The following SPMIP4 variants were observed in gnomAD, a reference collection of about 807,000 sequenced individuals.
SPMIP4 encodes sperm-associated microtubule inner protein 4.
chr7:25,127,704 T>C, the SPMIP4 span, among the ~76,000 whole-genome samples: 1 of 148,638 alleles, frequency 6.7e-6, no homozygotes, highest in Non-Finnish European at 1.5e-5. Flanking sequence ...TTCATTAGTT[T>C]GTTTGGTGAG....
the SPMIP4 span, among the ~76,000 whole-genome samples, chr7:25,151,846 T>C: frequency 6.6e-6 from 1 of 152,202 alleles, no homozygotes; most frequent in Non-Finnish European, 1.5e-5. Flanking sequence ...TGAATTCTTT[T>C]TATTTTTTAT....
chr7:25,137,310 T>A, the SPMIP4 span, among the ~76,000 whole-genome samples: 1 of 137,998 alleles, frequency 7.2e-6, no homozygotes, highest in Non-Finnish European at 1.5e-5. Context: ...TCTTTTTTTT[T>A]TTTTTTTTTA....
the SPMIP4 span, among the ~76,000 whole-genome samples, chr7:25,138,511 C>A: frequency 6.6e-6 from 1 of 152,134 alleles, no homozygotes; most frequent in Non-Finnish European, 1.5e-5. This position sits in a 1 kb window ranked among gnomAD's most constrained non-coding sequence, Gnocchi z 6.2. Flanking sequence ...GGATTACAGG[C>A]CTGAGCCACT....
At chr7:25,131,473 A>T in the SPMIP4 span, among the ~76,000 whole-genome samples, 1 of 152,212 alleles carries the variant, frequency 6.6e-6, no homozygotes, top group African/African-American at 2.4e-5. This position sits in a 1 kb window ranked among gnomAD's most constrained non-coding sequence, Gnocchi z 4.2. Context: ...CTGCTGGGTT[A>T]GAGGACATGG....
the SPMIP4 span, among the ~76,000 whole-genome samples, chr7:25,162,238 T>G: frequency 7.0e-6 from 1 of 143,810 alleles, no homozygotes; most frequent in African/African-American, 2.6e-5. Context: ...GCCACTGTAC[T>G]CCAGCCTGGG....
chr7:25,142,629 T>C, the SPMIP4 span: 1 of 1,592,480 alleles, frequency 6.3e-7, no homozygotes, highest in Non-Finnish European at 8.5e-7. Context: ...TGTATGAAAG[T>C]GAACTCATAC....
At chr7:25,160,565 T>C in the SPMIP4 span, among the ~76,000 whole-genome samples, 3 of 152,292 alleles carry the variant, frequency 2.0e-5, no homozygotes, top group East Asian at 1.9e-4. Flanking sequence ...TCCCAAAGTG[T>C]TGGGAATTAC....
chr7:25,145,993 G>A, the SPMIP4 span, among the ~76,000 whole-genome samples: 1 of 152,058 alleles, frequency 6.6e-6, no homozygotes, highest in African/African-American at 2.4e-5. Flanking sequence ...GAGGTTAAAA[G>A]GTTTACTGTG....
chr7:25,179,399 T>C, the SPMIP4 span: 1 of 1,416,132 alleles, frequency 7.1e-7, no homozygotes, highest in South Asian at 1.4e-5. Flanking sequence ...CATTTTACAC[T>C]GCTAAATTGT....
the SPMIP4 span, among the ~76,000 whole-genome samples, chr7:25,172,471 G>A: frequency 6.6e-6 from 1 of 152,148 alleles, no homozygotes. The surrounding 1 kb of genome is among the most constrained non-coding windows in gnomAD (Gnocchi z 4.2). Flanking sequence ...AAGGTGTTTT[G>A]GTTACATGTA....
the SPMIP4 span, chr7:25,136,347 AT>A: frequency 3.1e-6 from 5 of 1,614,010 alleles, no homozygotes; most frequent in Non-Finnish European, 4.2e-6. The surrounding 1 kb of genome is among the most constrained non-coding windows in gnomAD (Gnocchi z 5.7). Flanking sequence ...GAGATTTAAG[AT>A]TTTCATAGTG....
chr7:25,177,896 T>C, the SPMIP4 span, among the ~76,000 whole-genome samples: 1 of 152,216 alleles, frequency 6.6e-6, no homozygotes, highest in Non-Finnish European at 1.5e-5. Flanking sequence ...GTACAAATTA[T>C]TTTGTCACCC....
At chr7:25,129,281 G>A in the SPMIP4 span, among the ~76,000 whole-genome samples, 7 of 152,328 alleles carry the variant, frequency 4.6e-5, no homozygotes, top group African/African-American at 7.2e-5. Context: ...TTAGCCCACG[G>A]TAGCTGGGCC....
At chr7:25,146,524 T>G in the SPMIP4 span, among the ~76,000 whole-genome samples, 1 of 151,784 alleles carries the variant, frequency 6.6e-6, no homozygotes, top group Non-Finnish European at 1.5e-5. Context: ...TAAGGATGAG[T>G]GTGGAGTATG....
the SPMIP4 span, chr7:25,136,446 T>C: frequency 2.5e-5 from 40 of 1,614,108 alleles, 1 homozygote; most frequent in African/African-American, 2.5e-4. This position sits in a 1 kb window ranked among gnomAD's most constrained non-coding sequence, Gnocchi z 5.7. Context: ...TTTTAGTATC[T>C]GTGATTTTTG....
At chr7:25,158,597 A>G in the SPMIP4 span, 1 of 1,305,730 alleles carries the variant, frequency 7.7e-7, no homozygotes, top group Non-Finnish European at 1.1e-6. Flanking sequence ...TATCCCTATT[A>G]GAAACTTGAT....
At chr7:25,141,421 A>AG in the SPMIP4 span, among the ~76,000 whole-genome samples, 1 of 151,912 alleles carries the variant, frequency 6.6e-6, no homozygotes, top group Non-Finnish European at 1.5e-5. Flanking sequence ...CAAATACAAA[A>AG]ATTAGCTGGG....
the SPMIP4 span, among the ~76,000 whole-genome samples, chr7:25,155,618 T>A: frequency 4.6e-3 from 695 of 152,344 alleles, 3 homozygotes; most frequent in Admixed American, 0.011. Context: ...TCTCTAACCA[T>A]CTTTGAATGA....
At chr7:25,157,538 C>T in the SPMIP4 span, among the ~76,000 whole-genome samples, 1 of 152,216 alleles carries the variant, frequency 6.6e-6, no homozygotes, top group African/African-American at 2.4e-5. Flanking sequence ...GAAAACAGAA[C>T]TTTATCTCTG....
Sources: gnomAD v4.1 joint callset for allele counts (sites outside exome capture counted in the v4.1 genomes callset) on GRCh38, gnomAD v4.1.1 for gene constraint, Gnocchi (gnomAD v3.1) non-coding constraint, MANE v1.5 for transcripts, NCBI Gene and HGNC (gene_info 2026-07-23, HGNC 2026-07-21) for gene names.